POLN: variants seen among roughly 807,000 people sequenced by gnomAD.
POLN encodes DNA polymerase N.
In POLN, 108 loss-of-function variants were observed where a neutral mutation model predicts 113.5. That is an observed-to-expected ratio of 0.95 (90% CI 0.81 to 1.12). The LOEUF is 1.12. Among genes scored for constraint, POLN ranks in the 50% most tolerant of loss-of-function variants. The probability of loss-of-function intolerance (pLI) is 0.00; values close to 1 mark genes in which losing one functional copy is unlikely to be tolerated. For missense variants in POLN, 1,097 were observed against 1,077.1 expected, an observed-to-expected ratio of 1.02 and a Z score of -0.26; for synonymous variants, 386 against 391.5, an observed-to-expected ratio of 0.99 and a Z score of 0.17.
At chr4:2,130,418 C>T (rs1731697638) in intron 17 of POLN, among the ~76,000 whole-genome samples, 1 of 152,112 alleles carries the variant, frequency 6.6e-6, no homozygotes, top group African/African-American at 2.4e-5. Flanking sequence ...GCGCCACTGC[C>T]AAGGGTAGGA....
Position 2,184,520 on chromosome 4 carries a change from C to T in POLN, c.1022-5055G>A, listed in dbSNP as rs189208604. On this transcript the variant is annotated intron_variant, in intron 7 of 25. Transcript: ENST00000511885. ...TAAGGTTAAGTAAAAACCCTGTCAT[C>T]CTGAACATGAATTAGAAATATCAGT... 1.5e-3 allele frequency among the ~76,000 whole-genome samples: 225 copies of T among 152,190 alleles called. 1 individual carries two copies. The highest frequency in any genetic ancestry group is 2.6e-3 in the Non-Finnish European group (176 of 68,014).
chr4:2,139,210 A>C (rs1207666840), intron 16 of POLN, among the ~76,000 whole-genome samples: 1 of 152,192 alleles, frequency 6.6e-6, no homozygotes, highest in African/African-American at 2.4e-5. Context: ...GGAGCCACGG[A>C]AACGGGCCAG....
chr4:2,130,281 A>C, intron 17 of POLN, among the ~76,000 whole-genome samples: 1 of 81,092 alleles, frequency 1.2e-5, no homozygotes, highest in Non-Finnish European at 2.4e-5. Context: ...AGAGGGGAGG[A>C]GAGGGGAGGA....
intron 5 of POLN, among the ~76,000 whole-genome samples, chr4:2,204,109 C>CAAAAAAAAAAAAAAAAAAAAAAAAAAA (rs566255148): frequency 1.9e-5 from 1 of 53,234 alleles, no homozygotes; most frequent in African/African-American, 7.8e-5. Flanking sequence ...AACTCTATCA[C>CAAAAAAAAAAAAAAAAAAAAAAAAAAA]AAAAAAAAAA....
At chr4:2,179,543 T>C (rs1196479829) in intron 7 of POLN, 78 bp from the exon 8 acceptor site, 5 of 1,387,428 alleles carry the variant, frequency 3.6e-6, no homozygotes, top group African/African-American at 1.5e-5. Context: ...GTTCTTAAGT[T>C]CAAACGAATA....
chr4:2,162,223 A>G (rs557293729), intron 13 of POLN, among the ~76,000 whole-genome samples: 33 of 152,282 alleles, frequency 2.2e-4, no homozygotes, highest in Non-Finnish European at 3.8e-4. Context: ...ACTCACTGCG[A>G]AGGTCTGCAG....
chr4:2,136,314 A>G (rs524051), intron 16 of POLN, among the ~76,000 whole-genome samples: 112,379 of 152,200 alleles, frequency 0.74, 45,506 homozygotes, highest in Non-Finnish European at 0.91. Context: ...GTGGACATCA[A>G]AATGTGTGGA....
chr4:2,138,561 C>G (rs886780206), intron 16 of POLN, among the ~76,000 whole-genome samples: 2 of 152,296 alleles, frequency 1.3e-5, no homozygotes, highest in Admixed American at 6.5e-5. Flanking sequence ...GAGGAATCGC[C>G]ACCCCCACAG....
intron 3 of POLN, among the ~76,000 whole-genome samples, chr4:2,222,663 C>T (rs562915836): frequency 6.6e-6 from 1 of 150,498 alleles, no homozygotes; most frequent in Admixed American, 6.6e-5. Context: ...CTGGCTTTCA[C>T]GTTTAGCCTT....
rs138020748 is a variant in POLN at position 2,179,412 on chromosome 4, T to C, written c.1075A>G (p.Ser359Gly). Residue 359 changes from serine (S) to glycine (G), a missense_variant, in exon 8 of 26, where the codon AGT becomes GGT. Coordinates refer to ENST00000511885, the MANE Select transcript of POLN (RefSeq NM_181808.4). ...TCTTCAAAAGAGGGTGTGGCATCAC[T>C]AGGATCTATAAGCCATGCAGCAATT... ...PRIAAWLIDP[S>G]DATPSFEDLV... 2.8e-5 allele frequency: 45 copies of C among 1,613,788 alleles called. No individual in the cohort carries two copies. In the African/African-American group the frequency reaches 5.5e-4, roughly 20 times the overall value.
At chr4:2,161,747 C>G (rs973157200) in intron 13 of POLN, among the ~76,000 whole-genome samples, 1 of 152,190 alleles carries the variant, frequency 6.6e-6, no homozygotes, top group Admixed American at 6.5e-5. Context: ...CTGGTGGGGA[C>G]GTGGAGCACC....
At chr4:2,201,358 CA>C (rs1282304670) in intron 5 of POLN, among the ~76,000 whole-genome samples, 5 of 96,800 alleles carry the variant, frequency 5.2e-5, no homozygotes, top group Non-Finnish European at 6.2e-5. Flanking sequence ...AAAAAAAAAT[CA>C]AAACTTCAGG....
At chr4:2,157,097 C>A (rs1732453886) in intron 15 of POLN, among the ~76,000 whole-genome samples, 1 of 152,176 alleles carries the variant, frequency 6.6e-6, no homozygotes. Flanking sequence ...GACTTTATGT[C>A]ACTTACAAAT....
In POLN at chr4:2,152,282, C is replaced by T. The variant is rs143518475; in HGVS notation, c.1731+4506G>A. Among the ~76,000 whole-genome samples, 1,281 of 151,618 alleles carry T rather than the reference C, an allele frequency of 8.4e-3. 21 individuals are homozygous for T. The highest frequency in any genetic ancestry group is 0.03 in the African/African-American group (1,223 of 41,320). On this transcript the variant is annotated intron_variant, in intron 16 of 25. Coordinates refer to ENST00000511885, the MANE Select transcript of POLN (RefSeq NM_181808.4). ...CGAACTCCTGAGCTCAAGAGATCTGCCCACCTCAGCCTCCCAAAGTGCTAG... is the reference window on the plus strand; with the variant it reads ...CGAACTCCTGAGCTCAAGAGATCTGTCCACCTCAGCCTCCCAAAGTGCTAG...
At chr4:2,072,669 C>G (rs1730177514) in intron 25 of POLN, among the ~76,000 whole-genome samples, 1 of 152,202 alleles carries the variant, frequency 6.6e-6, no homozygotes, top group Admixed American at 6.5e-5. Flanking sequence ...TTGGTGGCTC[C>G]TAGAGGCCAG....
chr4:2,204,423 A>G (rs550877967), intron 5 of POLN, among the ~76,000 whole-genome samples: 1 of 152,298 alleles, frequency 6.6e-6, no homozygotes, highest in South Asian at 2.1e-4. Flanking sequence ...AACCAATAAC[A>G]AGCAGTGAGA....
At chr4:2,235,954 G>T (rs993219403) in intron 2 of POLN, among the ~76,000 whole-genome samples, 5 of 151,930 alleles carry the variant, frequency 3.3e-5, no homozygotes, top group African/African-American at 9.7e-5. Context: ...AAAATACAGA[G>T]GCGGTTTTAT....
intron 6 of POLN, among the ~76,000 whole-genome samples, chr4:2,196,187 C>T (rs945810768): frequency 8.5e-5 from 13 of 152,080 alleles, no homozygotes; most frequent in Admixed American, 5.9e-4. Flanking sequence ...TTGGGACATA[C>T]GTATACTAAG....
rs571169469 is a variant in POLN, at chr4:2,095,920, C to T, written c.1996G>A (p.Val666Met). ...CTGTCTGCGTGTGTCACCTGTTCCA[C>T]GGGCACATCCTTCCTGCATGGAGAG... ...TLTSQWKDVP[V>M]EQVTHADREQ... The change falls in exon 20 of 26, where the codon GTG becomes ATG. Residue 666 changes from valine to methionine, a missense_variant. Val to Met is a conservative substitution (Grantham distance 21, BLOSUM62 1). Transcript: ENST00000511885. The T allele has an allele frequency of 2.4e-5, 39 of 1,614,042 alleles. No individual in the cohort carries two copies. Among genetic ancestry groups the T allele is most frequent in the African/African-American group, 1.6e-4 (12 of 74,928 alleles).
Sources: allele counts gnomAD v4.1 joint callset (sites outside exome capture counted in the v4.1 genomes callset), GRCh38; gene constraint gnomAD v4.1.1; transcripts MANE v1.5; gene names NCBI Gene and HGNC (gene_info 2026-07-23, HGNC 2026-07-21).